CNNM4: variants seen among roughly 807,000 people sequenced by gnomAD.
CNNM4 encodes metal transporter CNNM4.
Under a neutral mutation model 53.7 loss-of-function variants are expected in CNNM4, and 32 were observed. The observed-to-expected ratio is 0.60, with a 90% confidence interval of 0.45 to 0.80. The LOEUF (loss-of-function observed/expected upper bound fraction) is 0.80. Ranked by LOEUF, CNNM4 falls within the 30% of genes least tolerant of loss-of-function variation. CNNM4 has a pLI of 0.00. For missense variants in CNNM4, 784 were observed against 1,022.0 expected (o/e 0.77, Z 3.17); for synonymous variants, 410 against 440.0 (o/e 0.93, Z 0.85).
rs1184213733 is a variant in CNNM4, at chr2:96,761,337, AG to A, written c.340del (p.Asp114ThrfsTer10). ...HKSTSCLELT[K>X]DLVVQQLVNV... is the part of the protein sequence containing the mutation. Reference sequence around the variant, plus strand: ...TCCACCAGCTGCCTCGAGCTCACCAAGGACCTGGTCGTCCAGCAGCTGGTCA... The same window carrying A: ...TCCACCAGCTGCCTCGAGCTCACCAAGACCTGGTCGTCCAGCAGCTGGTCA... On this transcript the variant is annotated frameshift_variant, in exon 1 of 7. Coordinates refer to ENST00000377075, the MANE Select transcript of CNNM4 (RefSeq NM_020184.4). LOFTEE classifies it high-confidence loss of function. This position sits in a 1 kb window ranked among gnomAD's most constrained non-coding sequence, Gnocchi z 6.0. 1 of 1,614,090 alleles carries A rather than the reference AG, an allele frequency of 6.2e-7. No individual in the cohort carries two copies. The highest frequency in any genetic ancestry group is 8.5e-7 in the Non-Finnish European group (1 of 1,180,034).
chr2:96,798,913 G>C (rs965234064), intron 3 of CNNM4, 144 bp from the exon 4 acceptor site: 17 of 795,568 alleles, frequency 2.1e-5, no homozygotes, highest in Non-Finnish European at 3.4e-5. Context: ...CCCCAGGGAG[G>C]TGCAGAACGA....
Position 96,763,647 on chromosome 2 carries a change from C to T in CNNM4, c.1402+1246C>T, listed in dbSNP as rs182403330. Among the ~76,000 whole-genome samples the T allele has an allele frequency of 4.6e-5, 7 of 152,234 alleles. No homozygotes were observed. In the East Asian group the frequency reaches 1.4e-3, roughly 29 times the overall value. The stretch of plus-strand genomic sequence containing the variant: ...TTCTGTAACGGAGAGTGGAGGACAG[C>T]TTTGGAGTGGGATAGGGAGGAGCTG... On this transcript the variant is annotated intron_variant, in intron 1 of 6. Transcript: ENST00000377075.
At position 96,761,529 on chromosome 2, in the gene CNNM4, G is replaced by A. The variant is rs1411454015; in HGVS notation, c.530G>A (p.Gly177Glu). The A allele has an allele frequency of 6.2e-7, 1 of 1,613,992 alleles. No individual in the cohort carries two copies. Among genetic ancestry groups the A allele is most frequent in the Non-Finnish European group, 8.5e-7 (1 of 1,179,920 alleles). ...DSLLFMVEEP[G>E]RFLPLWLHIL... ...CTGCTCTTCATGGTGGAGGAGCCTG[G>A]GAGGTTCCTGCCTCTCTGGCTGCAC... The change falls in exon 1 of 7, where the codon GGG becomes GAG. Residue 177 changes from glycine (G) to glutamate (E), a missense_variant. By Grantham distance (98) the Gly-to-Glu change is moderately conservative. This residue lies in a region of CNNM4 where 473 missense variants were observed against 624.6 expected (regional missense o/e 0.76). Coordinates refer to ENST00000377075, the MANE Select transcript of CNNM4 (RefSeq NM_020184.4). This position sits in a 1 kb window ranked among gnomAD's most constrained non-coding sequence, Gnocchi z 6.0.
intron 1 of CNNM4, among the ~76,000 whole-genome samples, chr2:96,784,988 A>C (rs1378098787): frequency 6.6e-6 from 1 of 152,168 alleles, no homozygotes; most frequent in Non-Finnish European, 1.5e-5. Flanking sequence ...AGCGATTCTC[A>C]TGCCTCAGCC....
In CNNM4 at chr2:96,801,528, GCACACACACAGAGAGACCA is replaced by G. The variant is rs1179967052; in HGVS notation, c.1948+1895_1948+1913del. Among the ~76,000 whole-genome samples, 1 of 140,764 alleles carries G rather than the reference GCACACACACAGAGAGACCA, an allele frequency of 7.1e-6. No individual in the cohort carries two copies. Among genetic ancestry groups the G allele is most frequent in the African/African-American group, 2.7e-5 (1 of 36,750 alleles). 92.3% of individuals were successfully genotyped at this position (140,764 alleles called of 152,430 possible). A position where few individuals can be genotyped will look rare whatever the true frequency, so the allele number is the denominator to read the frequency against. ...CAGAGAGAGACCACACACAGAGATAGCACACACACAGAGAGACCACACACACACAGAGACCACACACAGA... is the reference window on the plus strand; with the variant it reads ...CAGAGAGAGACCACACACAGAGATAGCACACACACAGAGACCACACACAGA... On this transcript the variant is annotated intron_variant, in intron 5 of 6. Coordinates refer to ENST00000377075, the MANE Select transcript of CNNM4 (RefSeq NM_020184.4). The surrounding 1 kb of genome is among the most constrained non-coding windows in gnomAD (Gnocchi z 5.6).
At chr2:96,784,327 C>G (rs79944320) in intron 1 of CNNM4, among the ~76,000 whole-genome samples, 1 of 152,096 alleles carries the variant, frequency 6.6e-6, no homozygotes, top group Non-Finnish European at 1.5e-5. Flanking sequence ...TAAATATTTT[C>G]AGGTAAAATG....
chr2:96,764,362 ACT>A (rs2078793946), intron 1 of CNNM4, among the ~76,000 whole-genome samples: 2 of 152,102 alleles, frequency 1.3e-5, no homozygotes, highest in Admixed American at 6.5e-5. Flanking sequence ...ACTCCGGGAA[ACT>A]CTGCTTAACA....
At chr2:96,762,629 T>A (rs1408680504) in intron 1 of CNNM4, among the ~76,000 whole-genome samples, 1 of 152,042 alleles carries the variant, frequency 6.6e-6, no homozygotes, top group Non-Finnish European at 1.5e-5. Flanking sequence ...CAAAGCTGAA[T>A]AAGACATACT....
intron 4 of CNNM4, 56 bp downstream of exon 4, chr2:96,799,282 C>T: frequency 6.2e-7 from 1 of 1,600,030 alleles, no homozygotes; most frequent in Non-Finnish European, 8.6e-7. Context: ...TGCAGCAACC[C>T]CCAGGCCCTC....
Position 96,760,941 on chromosome 2 carries a change from C to A in CNNM4, c.-59C>A. 1.1e-6 allele frequency: 1 copy of A among 917,664 alleles called. No individual in the cohort carries two copies. The highest frequency in any genetic ancestry group is 1.3e-6 in the Non-Finnish European group (1 of 768,120). 56.8% of individuals were successfully genotyped at this position (917,664 alleles called of 1,614,324 possible). ...CAGCGGAGCGGCCGGAGCTGCGGTG[C>A]GGACCGGGGCCGCGCGGCGTGGCGC... is the stretch of plus-strand genomic sequence containing the variant. On this transcript the variant is annotated 5_prime_UTR_variant, in exon 1 of 7. Coordinates refer to ENST00000377075, the MANE Select transcript of CNNM4 (RefSeq NM_020184.4).
rs1193803693 is a variant in CNNM4 at position 96,811,266 on chromosome 2, TG to T, written c.*1754del. 6.6e-6 allele frequency: 1 copy of T among 152,228 alleles called. No individual in the cohort carries two copies. The highest frequency in any genetic ancestry group is 2.4e-5 in the African/African-American group (1 of 41,448). 9.4% of individuals were successfully genotyped at this position (152,228 alleles called of 1,614,324 possible). ...AAGACACCAGACTTTTGTTCCCTAG[TG>T]GGGGAAAGCCCTTAGTCTTGTACAG... On this transcript the variant is annotated 3_prime_UTR_variant, in exon 7 of 7. Coordinates refer to ENST00000377075, the MANE Select transcript of CNNM4 (RefSeq NM_020184.4).
Position 96,800,642 on chromosome 2 carries a change from G to A in CNNM4, c.1948+994G>A, listed in dbSNP as rs1419904499. Among the ~76,000 whole-genome samples, 3 of 152,248 alleles carry A rather than the reference G, an allele frequency of 2.0e-5. No homozygotes were observed. The highest frequency in any genetic ancestry group is 4.4e-5 in the Non-Finnish European group (3 of 68,032). ...TCTGAGCAGGTTAACCCTATCAGAT[G>A]CCTCAGGCCTGGGGATGACTTCCTG... On this transcript the variant is annotated intron_variant, in intron 5 of 6. Transcript: ENST00000377075. This position sits in a 1 kb window ranked among gnomAD's most constrained non-coding sequence, Gnocchi z 4.6.
At chr2:96,803,882 TC>T (rs2079179257) in intron 5 of CNNM4, among the ~76,000 whole-genome samples, 2 of 152,178 alleles carry the variant, frequency 1.3e-5, no homozygotes, top group African/African-American at 4.8e-5. Context: ...GTGAATTTTT[TC>T]TAGGACCTCT....
chr2:96,786,245 C>T (rs1425885869), intron 1 of CNNM4, among the ~76,000 whole-genome samples: 5 of 151,788 alleles, frequency 3.3e-5, no homozygotes, highest in South Asian at 4.2e-4. Context: ...GGCGAAACCC[C>T]GTCTCTACTA....
rs201297868 is a variant in CNNM4 at position 96,808,520 on chromosome 2, C to T, written c.1949-41C>T. On this transcript the variant is annotated intron_variant, in intron 5 of 6. Transcript: ENST00000377075. This position sits in a 1 kb window ranked among gnomAD's most constrained non-coding sequence, Gnocchi z 4.9. Reference sequence around the variant, plus strand: ...GAGACATGAGGGTGAGAGTGGGCATCGGAGTGGCCTTTGGCATGACAACCT... The same window carrying T: ...GAGACATGAGGGTGAGAGTGGGCATTGGAGTGGCCTTTGGCATGACAACCT... 30 of 1,608,778 alleles carry T rather than the reference C, an allele frequency of 1.9e-5. 1 individual carries two copies. The highest frequency in any genetic ancestry group is 6.7e-5 in the East Asian group (3 of 44,820).
chr2:96,768,530 G>A (rs2078838759), intron 1 of CNNM4, among the ~76,000 whole-genome samples: 1 of 152,196 alleles, frequency 6.6e-6, no homozygotes, highest in African/African-American at 2.4e-5. Flanking sequence ...TCCTTGTGGA[G>A]ATCTGGGAGT....
chr2:96,765,121 G>T, intron 1 of CNNM4, among the ~76,000 whole-genome samples: 8 of 102,552 alleles, frequency 7.8e-5, no homozygotes, highest in African/African-American at 7.8e-5. Flanking sequence ...TTATTTGTTT[G>T]TTTGTTGTTG....
At position 96,797,674 on chromosome 2, in the gene CNNM4, T is replaced by C; in HGVS notation, c.1681+27T>C. 6.2e-7 allele frequency: 1 copy of C among 1,612,990 alleles called. No homozygotes were observed. Among genetic ancestry groups the C allele is most frequent in the Non-Finnish European group, 8.5e-7 (1 of 1,179,984 alleles). On this transcript the variant is annotated intron_variant, in intron 3 of 6. Transcript: ENST00000377075. This position sits in a 1 kb window ranked among gnomAD's most constrained non-coding sequence, Gnocchi z 6.0. ...TAGCATGAGGAGGACCTTCCGGTCT[T>C]GGTGGAAATACGGTCACGGGGGAGA...
At chr2:96,789,228 T>TGG (rs2079040123) in intron 1 of CNNM4, among the ~76,000 whole-genome samples, 1 of 151,766 alleles carries the variant, frequency 6.6e-6, no homozygotes, top group African/African-American at 2.4e-5. Context: ...AGGGAAGAAA[T>TGG]GGGTCGGGAT....
Sources: gnomAD v4.1 joint callset for allele counts (sites outside exome capture counted in the v4.1 genomes callset) on GRCh38, gnomAD v4.1.1 for gene constraint, gnomAD v4.1.1 regional missense constraint, Gnocchi (gnomAD v3.1) non-coding constraint, MANE v1.5 for transcripts, NCBI Gene and HGNC (gene_info 2026-07-23, HGNC 2026-07-21) for gene names.